CLEC19A: variants seen among roughly 807,000 people sequenced by gnomAD.
The protein encoded by CLEC19A is C-type lectin domain containing 19A.
CLEC19A carries 21 observed loss-of-function variants against 26.1 expected under a neutral mutation model. That is an observed-to-expected ratio of 0.80 (90% confidence interval 0.57 to 1.16). CLEC19A has a LOEUF of 1.16. Among genes scored for constraint, CLEC19A ranks in the 50% most tolerant of loss-of-function variants. CLEC19A has a pLI of 0.00. For synonymous variants in CLEC19A, 89 were observed against 88.6 expected (o/e 1.00, Z -0.03); for missense variants, 224 against 227.6 (o/e 0.98, Z 0.10).
intron 1 of CLEC19A, among the ~76,000 whole-genome samples, chr16:19,288,184 T>C (rs1266812122): frequency 1.3e-5 from 2 of 152,140 alleles, no homozygotes; most frequent in African/African-American, 4.8e-5. Flanking sequence ...CTTCCCAGGC[T>C]CCCAGCCCTA....
At chr16:19,288,606 T>C (rs1897520337) in intron 1 of CLEC19A, among the ~76,000 whole-genome samples, 1 of 152,104 alleles carries the variant, frequency 6.6e-6, no homozygotes, top group African/African-American at 2.4e-5. Flanking sequence ...CTTGGGAGGA[T>C]TTAGACAGAC....
chr16:19,290,284 C>T (rs1478682318), intron 1 of CLEC19A, among the ~76,000 whole-genome samples: 1 of 152,064 alleles, frequency 6.6e-6, no homozygotes, highest in Non-Finnish European at 1.5e-5. Flanking sequence ...GGTTTGGCCT[C>T]CTGGTTTCCA....
chr16:19,298,430 G>A (rs1479129689), intron 1 of CLEC19A, among the ~76,000 whole-genome samples: 2 of 151,904 alleles, frequency 1.3e-5, no homozygotes, highest in African/African-American at 4.8e-5. Context: ...AGGCAAGCAT[G>A]GTGGTGCACA....
At chr16:19,296,914 A>C (rs1897716015) in intron 1 of CLEC19A, among the ~76,000 whole-genome samples, 4 of 152,298 alleles carry the variant, frequency 2.6e-5, no homozygotes, top group African/African-American at 9.6e-5. Flanking sequence ...ATGAGCCAGC[A>C]TCTCACGGCA....
chr16:19,289,707 CT>C (rs1597078738), intron 1 of CLEC19A, among the ~76,000 whole-genome samples: 1 of 152,198 alleles, frequency 6.6e-6, no homozygotes, highest in Non-Finnish European at 1.5e-5. Context: ...TTGTCTAATG[CT>C]TTTTTCTGTG....
At chr16:19,298,625 G>A in intron 1 of CLEC19A, 48 bp from the exon 2 acceptor site, 1 of 1,530,360 alleles carries the variant, frequency 6.5e-7, no homozygotes, top group Non-Finnish European at 8.8e-7. Flanking sequence ...TGGAAACAAT[G>A]TCAGCACTGC....
intron 1 of CLEC19A, among the ~76,000 whole-genome samples, chr16:19,287,808 A>G (rs533743128): frequency 3.3e-4 from 50 of 152,360 alleles, no homozygotes; most frequent in Admixed American, 2.0e-3. Flanking sequence ...GAGCTCGTGC[A>G]GGTGAAGTGC....
intron 1 of CLEC19A, among the ~76,000 whole-genome samples, chr16:19,295,065 A>G (rs1897677038): frequency 6.6e-6 from 1 of 152,054 alleles, no homozygotes; most frequent in Non-Finnish European, 1.5e-5. Context: ...GTGATAACCA[A>G]AAATGTCTCC....
intron 3 of CLEC19A, among the ~76,000 whole-genome samples, chr16:19,307,177 C>T (rs548003166): frequency 6.6e-6 from 1 of 152,256 alleles, no homozygotes; most frequent in South Asian, 2.1e-4. Flanking sequence ...TCAGATAGAC[C>T]TGGGTTTGAT....
At position 19,290,441 on chromosome 16, in the gene CLEC19A, C is replaced by T. The variant is rs139309173; in HGVS notation, c.88+4502C>T. The stretch of plus-strand genomic sequence containing the variant: ...TTCTAATTCTCCAAAGCTCCATTCT[C>T]TCTCACACCTCCAGACCTCTGCACA... On this transcript the variant is annotated intron_variant, in intron 1 of 4. Transcript: ENST00000636231. 4.0e-3 allele frequency among the ~76,000 whole-genome samples: 615 copies of T among 152,158 alleles called. 5 individuals carry two copies. The highest frequency in any genetic ancestry group is 0.014 in the African/African-American group (578 of 41,492).
chr16:19,287,183 CATTT>C (rs1164887903), intron 1 of CLEC19A, among the ~76,000 whole-genome samples: 1 of 152,112 alleles, frequency 6.6e-6, no homozygotes, highest in Non-Finnish European at 1.5e-5. Context: ...AAGCAACAAA[CATTT>C]ATTTCTCACA....
intron 1 of CLEC19A, 118 bp from the exon 2 acceptor site, chr16:19,298,555 G>T: frequency 9.3e-7 from 1 of 1,080,678 alleles, no homozygotes; most frequent in South Asian, 1.6e-5. Flanking sequence ...AACAGAACGA[G>T]ACCCTGTCTC....
Position 19,298,730 on chromosome 16 carries a change from G to C in CLEC19A, c.146G>C (p.Gly49Ala), listed in dbSNP as rs535984267. 4.5e-6 allele frequency: 7 copies of C among 1,550,972 alleles called. No homozygotes were observed. In the South Asian group the frequency reaches 8.3e-5, roughly 18 times the overall value. Reference protein sequence around the residue: ...LCPLFWMEFKGHCYRFFPLNK... With the variant: ...LCPLFWMEFKAHCYRFFPLNK... ...CCCCTGTTCTGGATGGAGTTCAAAG[G>C]CCACTGCTATCGATTCTTCCCTCTC... Residue 49 changes from glycine (G) to alanine (A), a missense_variant, in exon 2 of 5, where the codon GGC (glycine) becomes GCC (alanine). Gly to Ala is a moderately conservative substitution (Grantham distance 60). Transcript: ENST00000636231.
intron 2 of CLEC19A, among the ~76,000 whole-genome samples, chr16:19,300,413 T>A (rs978633070): frequency 5.9e-5 from 9 of 151,668 alleles, no homozygotes; most frequent in Non-Finnish European, 2.9e-5. Flanking sequence ...CCTGACGTGG[T>A]GATGCACACC....
intron 4 of CLEC19A, among the ~76,000 whole-genome samples, chr16:19,308,733 A>G (rs1898006796): frequency 6.6e-6 from 1 of 152,050 alleles, no homozygotes; most frequent in African/African-American, 2.4e-5. Flanking sequence ...AGAACAGCTT[A>G]TTTTCCTGGG....
intron 1 of CLEC19A, among the ~76,000 whole-genome samples, chr16:19,297,871 C>T (rs1271236822): frequency 4.6e-5 from 7 of 151,980 alleles, no homozygotes; most frequent in Non-Finnish European, 1.0e-4. Flanking sequence ...TTTAGTAAAA[C>T]GTAGGTATGT....
intron 3 of CLEC19A, among the ~76,000 whole-genome samples, chr16:19,306,058 T>C (rs1897946491): frequency 6.6e-6 from 1 of 151,876 alleles, no homozygotes; most frequent in South Asian, 2.1e-4. Context: ...TTAGCCAGGA[T>C]GGTCTTGATG....
At chr16:19,293,090 T>C (rs1897624136) in intron 1 of CLEC19A, among the ~76,000 whole-genome samples, 1 of 152,138 alleles carries the variant, frequency 6.6e-6, no homozygotes, top group African/African-American at 2.4e-5. Flanking sequence ...GGAGATGGAA[T>C]AGACATGACT....
chr16:19,287,630 G>T (rs1022269868), intron 1 of CLEC19A, among the ~76,000 whole-genome samples: 20 of 152,210 alleles, frequency 1.3e-4, no homozygotes, highest in African/African-American at 4.6e-4. Flanking sequence ...CCCAGCAAAA[G>T]TGGGAAGGGG....
Sources: allele counts gnomAD v4.1 joint callset (sites outside exome capture counted in the v4.1 genomes callset), GRCh38; gene constraint gnomAD v4.1.1; transcripts MANE v1.5; gene names NCBI Gene and HGNC (gene_info 2026-07-23, HGNC 2026-07-21).